Variants in DIAPH2 observed in about 807,000 individuals in gnomAD.
DIAPH2 encodes diaphanous related formin 2.
A neutral mutation model predicts 92.7 loss-of-function variants in DIAPH2; 35 were observed. The ratio of observed to expected loss-of-function variants is 0.38; its 90% confidence interval spans 0.29 to 0.50. The LOEUF is 0.50. Among genes scored for constraint, DIAPH2 ranks in the 20% least tolerant of loss-of-function variants. DIAPH2 has a pLI of 0.94. For synonymous variants in DIAPH2, 301 were observed against 280.4 expected, an observed-to-expected ratio of 1.07 and a Z score of -0.73; for missense variants, 701 against 819.5, an observed-to-expected ratio of 0.86 and a Z score of 1.77.
At chrX:96,902,430 C>T (rs1395320564) in intron 5 of DIAPH2, among the ~76,000 whole-genome samples, 1 of 111,084 alleles carries the variant, frequency 9.0e-6, no homozygotes, top group Admixed American at 9.6e-5. Context: ...TTTCTTAGGT[C>T]TAGTAGTAAT....
At chrX:97,139,255 G>A (rs920388121) in intron 21 of DIAPH2, among the ~76,000 whole-genome samples, 19 of 109,113 alleles carry the variant, frequency 1.7e-4, no homozygotes, top group Non-Finnish European at 3.2e-4. Flanking sequence ...TGGTAAGAGA[G>A]ACTGAAGGCA....
At chrX:96,701,905 G>A (rs900891037) in intron 1 of DIAPH2, among the ~76,000 whole-genome samples, 3 of 111,153 alleles carry the variant, frequency 2.7e-5, no homozygotes, top group African/African-American at 6.5e-5. Flanking sequence ...TTATAAACAC[G>A]TAGGCATAGT....
intron 26 of DIAPH2, among the ~76,000 whole-genome samples, chrX:97,451,521 G>C (rs1001642197): frequency 9.0e-6 from 1 of 111,297 alleles, no homozygotes; most frequent in Non-Finnish European, 1.9e-5. Flanking sequence ...ACATGATGCC[G>C]AATTTAAGTT....
At chrX:97,334,959 C>T (rs1256922332) in intron 23 of DIAPH2, among the ~76,000 whole-genome samples, 1 of 79,410 alleles carries the variant, frequency 1.3e-5, no homozygotes, top group Admixed American at 2.1e-4. Flanking sequence ...CCAGCCGAGG[C>T]GACAGTGCAA....
rs187763381 is a variant in DIAPH2 at position 96,697,262 on chromosome X, C to T, written c.132+12072C>T. Among the ~76,000 whole-genome samples, 289 of 109,350 alleles carry T rather than the reference C, an allele frequency of 2.6e-3. 1 individual carries two copies. Among genetic ancestry groups the T allele is most frequent in the Non-Finnish European group, 4.0e-3 (213 of 52,793 alleles). The allele number at this position is 109,350 out of a possible 115,157, so 95.0% of individuals were successfully genotyped here. On this transcript the variant is annotated intron_variant, in intron 1 of 26. Coordinates refer to ENST00000324765, the MANE Select transcript of DIAPH2 (RefSeq NM_006729.5). ...CTTCATCAGTTTTAACTAATTTCAT[C>T]CTCACAGCAATCATTTTGTAGGTGA...
intron 22 of DIAPH2, among the ~76,000 whole-genome samples, chrX:97,145,765 CAA>C (rs1256785683): frequency 9.0e-6 from 1 of 110,582 alleles, no homozygotes; most frequent in African/African-American, 3.3e-5. Context: ...ATTCTCAACT[CAA>C]AAAGATCTTA....
In DIAPH2 at chrX:97,333,146, A is replaced by G. The variant is rs569014382; in HGVS notation, c.2845-14970A>G. Among the ~76,000 whole-genome samples, 61 of 111,776 alleles carry G rather than the reference A, an allele frequency of 5.5e-4. No homozygotes were observed. The South Asian group carries it at 0.023, about 43-fold the overall frequency. On this transcript the variant is annotated intron_variant, in intron 23 of 26. Coordinates refer to ENST00000324765, the MANE Select transcript of DIAPH2 (RefSeq NM_006729.5). ...CTAAAGGAATGTCCACTGAACCAAC[A>G]AGAATGTTAAGGGAGCCTTGTTAAA...
intron 26 of DIAPH2, among the ~76,000 whole-genome samples, chrX:97,461,755 G>A (rs1274656986): frequency 2.7e-5 from 3 of 111,444 alleles, no homozygotes; most frequent in Admixed American, 9.6e-5. Context: ...TTCAAGAGCC[G>A]TTTCCTTGGA....
chrX:96,765,296 C>T lies in DIAPH2; in HGVS notation c.447+7038C>T, dbSNP rs2064296084. Among the ~76,000 whole-genome samples the T allele has an allele frequency of 2.8e-5, 3 of 105,895 alleles. No homozygotes were observed. The Admixed American group carries it at 3.1e-4, about 11-fold the overall frequency. 92.0% of individuals were successfully genotyped at this position (105,895 alleles called of 115,157 possible). On this transcript the variant is annotated intron_variant, in intron 4 of 26. Coordinates refer to ENST00000324765, the MANE Select transcript of DIAPH2 (RefSeq NM_006729.5). ...CACTGCATCCTTGATCTCCCGGGCT[C>T]AAGCCATCCTCCCACCTTAGCCTCC... is the stretch of plus-strand genomic sequence containing the variant.
Position 96,867,957 on chromosome X carries a change from A to C in DIAPH2, c.448-13622A>C, listed in dbSNP as rs1185862612. On this transcript the variant is annotated intron_variant, in intron 4 of 26. Transcript: ENST00000324765. ...TACAACTTATCAAATATACATGTTA[A>C]ATACAAAACCCATAAAATTTAAATT... Among the ~76,000 whole-genome samples the C allele has an allele frequency of 9.8e-5, 11 of 111,965 alleles. No homozygotes were observed. In the Admixed American group the frequency reaches 1.0e-3, roughly 11 times the overall value.
At chrX:97,097,507 T>A (rs1160320993) in intron 19 of DIAPH2, among the ~76,000 whole-genome samples, 1 of 112,012 alleles carries the variant, frequency 8.9e-6, no homozygotes, top group African/African-American at 3.2e-5. Context: ...GCCTTCATTC[T>A]GAAAATAACA....
At chrX:97,096,868 G>T (rs1414474899) in intron 19 of DIAPH2, among the ~76,000 whole-genome samples, 1 of 110,904 alleles carries the variant, frequency 9.0e-6, no homozygotes, top group Non-Finnish European at 1.9e-5. Context: ...TTTCTCACTG[G>T]ACTAATCTTG....
At chrX:96,984,632 G>T (rs771947650) in intron 17 of DIAPH2, among the ~76,000 whole-genome samples, 45 of 111,203 alleles carry the variant, frequency 4.0e-4, no homozygotes, top group Admixed American at 1.2e-3. Flanking sequence ...GGTTAGAATT[G>T]CAACAAATAT....
chrX:97,138,636 C>T (rs1356330214), intron 21 of DIAPH2, among the ~76,000 whole-genome samples: 1 of 111,736 alleles, frequency 8.9e-6, no homozygotes, highest in East Asian at 2.8e-4. Context: ...GTGATAACTG[C>T]GCTTATTAAA....
chrX:97,372,854 G>A (rs192415762), intron 24 of DIAPH2, among the ~76,000 whole-genome samples: 1,332 of 110,799 alleles, frequency 0.012, 19 homozygotes, highest in African/African-American at 0.042. Context: ...TCGCACGCCT[G>A]TAGTCCCAGC....
chrX:96,686,699 C>T (rs2063773001), intron 1 of DIAPH2, among the ~76,000 whole-genome samples: 1 of 111,446 alleles, frequency 9.0e-6, no homozygotes, highest in Admixed American at 9.6e-5. Context: ...CGTGATTTTA[C>T]AAGCAGATGT....
intron 26 of DIAPH2, among the ~76,000 whole-genome samples, chrX:97,478,411 G>A (rs1025388846): frequency 1.8e-5 from 2 of 111,533 alleles, no homozygotes; most frequent in African/African-American, 6.5e-5. Flanking sequence ...ATGTTACTTG[G>A]TTTCTTTGAA....
At chrX:96,793,512 G>C (rs1181047416) in intron 4 of DIAPH2, 1 of 319,548 alleles carries the variant, frequency 3.1e-6, no homozygotes, top group Non-Finnish European at 6.0e-6. Flanking sequence ...TATTAAGTAG[G>C]GGCCTTCGAT....
chrX:97,524,277 A>C (rs926249461), intron 26 of DIAPH2, among the ~76,000 whole-genome samples: 4 of 112,031 alleles, frequency 3.6e-5, no homozygotes, highest in African/African-American at 1.3e-4. Context: ...ATTAGCCTGC[A>C]TGAGCTATCT....
Sources: gnomAD v4.1 joint callset for allele counts (sites outside exome capture counted in the v4.1 genomes callset) on GRCh38, gnomAD v4.1.1 for gene constraint, MANE v1.5 for transcripts, NCBI Gene and HGNC (gene_info 2026-07-23, HGNC 2026-07-21) for gene names.